The following PTPRE variants were observed in gnomAD, a reference collection of about 807,000 sequenced individuals.
PTPRE encodes protein tyrosine phosphatase receptor type E.
In PTPRE, 51 loss-of-function variants were observed where a neutral mutation model predicts 102.0. The observed-to-expected ratio is 0.50, with a 90% CI of 0.40 to 0.63. PTPRE has a LOEUF of 0.63. Ranked by LOEUF, PTPRE falls within the 30% of genes least tolerant of loss-of-function variation. PTPRE has a pLI of 0.00. For missense variants in PTPRE, 752 were observed against 915.1 expected, an observed-to-expected ratio of 0.82 and a Z score of 2.30; for synonymous variants, 345 against 348.2, an observed-to-expected ratio of 0.99 and a Z score of 0.10.
At chr10:127,966,697 A>G (rs1392689670) in intron 1 of PTPRE, among the ~76,000 whole-genome samples, 1 of 152,162 alleles carries the variant, frequency 6.6e-6, no homozygotes, top group Admixed American at 6.5e-5. Flanking sequence ...TAGAAAACCC[A>G]TGGCTCAGAG....
chr10:128,030,712 C>T (rs113150569), intron 2 of PTPRE, among the ~76,000 whole-genome samples: 5 of 152,314 alleles, frequency 3.3e-5, no homozygotes, highest in African/African-American at 1.2e-4. Flanking sequence ...TCCTGGACAT[C>T]TCTGAACACT....
intron 10 of PTPRE, among the ~76,000 whole-genome samples, chr10:128,064,197 G>T (rs1257648338): frequency 1.3e-5 from 2 of 152,212 alleles, no homozygotes; most frequent in Non-Finnish European, 2.9e-5. Flanking sequence ...CACAGGAAGG[G>T]CAGGCTGGGA....
intron 5 of PTPRE, among the ~76,000 whole-genome samples, 175 bp from the exon 6 acceptor site, chr10:128,049,355 C>T (rs995374123): frequency 1.3e-5 from 2 of 152,020 alleles, no homozygotes; most frequent in Non-Finnish European, 2.9e-5. Flanking sequence ...TCACAGGAGG[C>T]GAGTGTTTGG....
At chr10:128,049,382 C>T in intron 5 of PTPRE, 148 bp from the exon 6 acceptor site, 2 of 980,398 alleles carry the variant, frequency 2.0e-6, no homozygotes, top group Non-Finnish European at 3.0e-6. Flanking sequence ...CTGCTCGGGA[C>T]CCGGCTTAGC....
Position 128,068,223 on chromosome 10 carries a change from A to G in PTPRE, c.944A>G (p.Lys315Arg). Residue 315 changes from lysine to arginine, a missense_variant, in exon 12 of 21, where the codon AAG becomes AGG. By Grantham distance (26) the Lys-to-Arg change is conservative (BLOSUM62 2). This residue lies in a region of PTPRE where 636 missense variants were observed against 824.4 expected (regional missense o/e 0.77). Transcript: ENST00000254667. ...GVPFTPIGMLKFLKKVKTLNP... is the reference protein window; with the variant it reads ...GVPFTPIGMLRFLKKVKTLNP... ...CCTTTTACCCCCATTGGGATGCTGA[A>G]GTTCCTCAAGAAAGTAAAGACGCTC... 1 of 1,614,158 alleles carries G rather than the reference A, an allele frequency of 6.2e-7. No homozygotes were observed. Among genetic ancestry groups the G allele is most frequent in the Non-Finnish European group, 8.5e-7 (1 of 1,179,996 alleles).
At chr10:128,037,957 A>ATTTTTTTTT (rs34089996) in intron 2 of PTPRE, among the ~76,000 whole-genome samples, 39 of 115,928 alleles carry the variant, frequency 3.4e-4, no homozygotes, top group Non-Finnish European at 3.6e-4. Context: ...TGTCCGGCTA[A>ATTTTTTTTT]TTTTTTTTTT....
At chr10:127,984,070 C>G (rs1195552633) in intron 2 of PTPRE, among the ~76,000 whole-genome samples, 1 of 132,332 alleles carries the variant, frequency 7.6e-6, no homozygotes, top group Non-Finnish European at 1.6e-5. Flanking sequence ...GCCTCCATTT[C>G]TTTCTTTCTT....
intron 2 of PTPRE, among the ~76,000 whole-genome samples, chr10:127,990,025 C>T (rs998700250): frequency 1.3e-5 from 2 of 152,168 alleles, no homozygotes; most frequent in Non-Finnish European, 2.9e-5. Flanking sequence ...GTTCTAATTT[C>T]AGGAAATATT....
intron 1 of PTPRE, among the ~76,000 whole-genome samples, chr10:127,937,341 AT>A (rs1793030508): frequency 6.6e-6 from 1 of 152,160 alleles, no homozygotes; most frequent in African/African-American, 2.4e-5. Context: ...ATTGTTGAAA[AT>A]CAGGTGATTT....
chr10:127,927,328 A>G lies in PTPRE; in HGVS notation c.-31+20019A>G, dbSNP rs916749114. On this transcript the variant is annotated intron_variant, in intron 1 of 20. Coordinates refer to ENST00000254667, the MANE Select transcript of PTPRE (RefSeq NM_006504.6). ...ACTATCATTGGCTGATGCCAGATGA[A>G]GTACTGGCTTGTATTCCTTTAAACA... Among the ~76,000 whole-genome samples the G allele has an allele frequency of 3.0e-4, 46 of 152,340 alleles. 1 individual carries two copies. The Middle Eastern group carries it at 0.01, about 34-fold the overall frequency.
intron 2 of PTPRE, among the ~76,000 whole-genome samples, chr10:128,027,727 G>T (rs1846388324): frequency 6.6e-6 from 1 of 152,208 alleles, no homozygotes; most frequent in South Asian, 2.1e-4. Flanking sequence ...GGGCCTTGAA[G>T]AGCCCGAAAA....
chr10:127,945,821 T>C (rs967550088), intron 1 of PTPRE, among the ~76,000 whole-genome samples: 1 of 152,198 alleles, frequency 6.6e-6, no homozygotes, highest in African/African-American at 2.4e-5. Context: ...ATTCTCTGTT[T>C]TATCCTTCAT....
intron 1 of PTPRE, among the ~76,000 whole-genome samples, chr10:127,960,045 T>C (rs1849682385): frequency 1.3e-5 from 2 of 152,154 alleles, no homozygotes; most frequent in Non-Finnish European, 2.9e-5. Flanking sequence ...ATTATTACTA[T>C]GTAAGATGGG....
intron 1 of PTPRE, among the ~76,000 whole-genome samples, chr10:127,926,401 G>A (rs976819569): frequency 6.6e-6 from 1 of 152,238 alleles, no homozygotes; most frequent in African/African-American, 2.4e-5. Flanking sequence ...AATGAGCAAA[G>A]AAGCAGGCGC....
At chr10:127,931,132 A>G (rs967678274) in intron 1 of PTPRE, among the ~76,000 whole-genome samples, 2 of 152,098 alleles carry the variant, frequency 1.3e-5, no homozygotes, top group Non-Finnish European at 2.9e-5. Context: ...CCATCCTTAC[A>G]GGTGAGTAGT....
At chr10:127,943,026 A>C (rs771569287) in intron 1 of PTPRE, among the ~76,000 whole-genome samples, 13 of 152,172 alleles carry the variant, frequency 8.5e-5, no homozygotes, top group Admixed American at 2.0e-4. Flanking sequence ...TATCTCTTTG[A>C]TCTCATGGAA....
At chr10:127,980,208 C>T (rs1044060126) in intron 1 of PTPRE, among the ~76,000 whole-genome samples, 1 of 152,204 alleles carries the variant, frequency 6.6e-6, no homozygotes, top group Non-Finnish European at 1.5e-5. Context: ...CCTGGAAACC[C>T]TCTGTGCTTT....
intron 1 of PTPRE, among the ~76,000 whole-genome samples, chr10:127,961,636 C>T (rs1328482217): frequency 9.4e-6 from 1 of 106,226 alleles, no homozygotes; most frequent in African/African-American, 4.0e-5. Flanking sequence ...AGCGCTCCAC[C>T]CCCCAGCGAG....
intron 1 of PTPRE, among the ~76,000 whole-genome samples, chr10:127,917,328 T>A (rs1589725674): frequency 6.6e-6 from 1 of 152,084 alleles, no homozygotes. Flanking sequence ...TTTTTCAGCA[T>A]GAAACTGATG....
Sources: gnomAD v4.1 joint callset for allele counts (sites outside exome capture counted in the v4.1 genomes callset) on GRCh38, gnomAD v4.1.1 for gene constraint, gnomAD v4.1.1 regional missense constraint, MANE v1.5 for transcripts, NCBI Gene and HGNC (gene_info 2026-07-23, HGNC 2026-07-21) for gene names.